Variants in OPCML observed in about 807,000 individuals in gnomAD.
The protein encoded by OPCML is opioid binding protein/cell adhesion molecule like.
In OPCML, 13 loss-of-function variants were observed where a neutral mutation model predicts 37.8. The ratio of observed to expected loss-of-function variants is 0.34; its 90% CI spans 0.22 to 0.55. The LOEUF (loss-of-function observed/expected upper bound fraction) is 0.55. OPCML is among the 20% of genes least tolerant of loss of function. OPCML has a pLI of 0.91. For missense variants in OPCML, 341 were observed against 435.6 expected (o/e 0.78, Z 1.93); for synonymous variants, 176 against 168.8 (o/e 1.04, Z -0.33).
chr11:132,674,563 G>A (rs1436900045), intron 2 of OPCML, among the ~76,000 whole-genome samples: 1 of 152,206 alleles, frequency 6.6e-6, no homozygotes, highest in Non-Finnish European at 1.5e-5. Context: ...AGGTGGGGTG[G>A]CACTTGTCTT....
At chr11:133,120,024 C>T (rs922383141) in intron 1 of OPCML, among the ~76,000 whole-genome samples, 1 of 152,094 alleles carries the variant, frequency 6.6e-6, no homozygotes, top group African/African-American at 2.4e-5. Flanking sequence ...TGCTTTGGGC[C>T]TGATCTGGAA....
At chr11:132,905,142 T>C (rs1944191108) in intron 2 of OPCML, among the ~76,000 whole-genome samples, 1 of 152,064 alleles carries the variant, frequency 6.6e-6, no homozygotes, top group Non-Finnish European at 1.5e-5. Flanking sequence ...CATTTTATAA[T>C]TAATGAGGCT....
At chr11:133,009,031 A>G in intron 1 of OPCML, 1 of 985,452 alleles carries the variant, frequency 1.0e-6, no homozygotes, top group Non-Finnish European at 1.2e-6. Context: ...TCAAGTTTTG[A>G]TTACTTAAAC....
chr11:132,862,481 C>CA (rs764944630), intron 2 of OPCML, among the ~76,000 whole-genome samples: 4,801 of 129,612 alleles, frequency 0.037, 154 homozygotes, highest in South Asian at 0.17. Flanking sequence ...GTCATCTATA[C>CA]GAAAAAAAAA....
At chr11:133,126,502 G>T (rs547962) in intron 1 of OPCML, among the ~76,000 whole-genome samples, 4 of 152,030 alleles carry the variant, frequency 2.6e-5, no homozygotes, top group African/African-American at 9.7e-5. Flanking sequence ...CACAAACAGC[G>T]CACAGAAAAG....
intron 1 of OPCML, chr11:133,024,847 T>C (rs903342703): frequency 1.0e-6 from 1 of 985,452 alleles, no homozygotes; most frequent in Admixed American, 6.1e-5. Flanking sequence ...GGAAAGGACC[T>C]GCTTTCATGT....
chr11:133,286,522 A>G (rs1364236055), intron 1 of OPCML, among the ~76,000 whole-genome samples: 1 of 150,566 alleles, frequency 6.6e-6, no homozygotes, highest in Non-Finnish European at 1.5e-5. Context: ...TGCCATATTC[A>G]CGACAACCTC....
chr11:133,214,349 T>C (rs2136347664), intron 1 of OPCML, among the ~76,000 whole-genome samples: 1 of 152,336 alleles, frequency 6.6e-6, no homozygotes, highest in African/African-American at 2.4e-5. Flanking sequence ...TATGTGTGTA[T>C]CAACACATGT....
intron 1 of OPCML, among the ~76,000 whole-genome samples, chr11:133,317,151 C>T (rs1331226247): frequency 6.6e-6 from 1 of 152,174 alleles, no homozygotes; most frequent in Non-Finnish European, 1.5e-5. Context: ...GAGCCAAGAT[C>T]ACACTGCTGC....
intron 1 of OPCML, among the ~76,000 whole-genome samples, chr11:133,492,464 G>A (rs1190645500): frequency 3.3e-5 from 5 of 151,990 alleles, no homozygotes; most frequent in East Asian, 1.9e-4. Context: ...CAACCCAAAC[G>A]TCATGAAGAT....
chr11:133,112,297 AAAAAAAAAAAAAAG>A (rs1356172737), intron 1 of OPCML, among the ~76,000 whole-genome samples: 2 of 146,240 alleles, frequency 1.4e-5, no homozygotes, highest in African/African-American at 5.1e-5. Context: ...AAAAAAAAAA[AAAAAAAAAAAAAAG>A]GGGAAAGAAA....
intron 3 of OPCML, among the ~76,000 whole-genome samples, chr11:132,567,710 T>C (rs1015743988): frequency 2.0e-5 from 3 of 152,214 alleles, no homozygotes; most frequent in African/African-American, 7.2e-5. Flanking sequence ...TGTTTTACTT[T>C]TATTTATTTT....
intron 1 of OPCML, among the ~76,000 whole-genome samples, chr11:133,168,527 T>C (rs1407941114): frequency 6.6e-6 from 1 of 151,912 alleles, no homozygotes; most frequent in Non-Finnish European, 1.5e-5. Flanking sequence ...AATTACAGAG[T>C]TGAGCTGGCA....
chr11:132,510,707 T>A (rs1219906988), intron 4 of OPCML, among the ~76,000 whole-genome samples: 1 of 152,222 alleles, frequency 6.6e-6, no homozygotes, highest in African/African-American at 2.4e-5. Context: ...CCCAGCCATG[T>A]GGAACTGTTA....
intron 2 of OPCML, among the ~76,000 whole-genome samples, chr11:132,867,561 G>C (rs1459614510): frequency 6.6e-6 from 1 of 152,162 alleles, no homozygotes; most frequent in Non-Finnish European, 1.5e-5. Context: ...TTTCTTTATG[G>C]AAGTAGCTGA....
intron 1 of OPCML, among the ~76,000 whole-genome samples, chr11:133,140,898 CGACGACGACGAAGAAGAA>C (rs1949788853): frequency 3.1e-4 from 1 of 3,272 alleles, no homozygotes; most frequent in African/African-American, 4.1e-4. Context: ...ACGACGAAGA[CGACGACGACGAAGAAGAA>C]GAAGACGACG....
chr11:132,644,492 AAG>A lies in OPCML; in HGVS notation c.379+12593_379+12594del, dbSNP rs200446560. Among the ~76,000 whole-genome samples, 1,238 of 152,256 alleles carry A rather than the reference AAG, an allele frequency of 8.1e-3. 11 individuals are homozygous for A. Among genetic ancestry groups the A allele is most frequent in the South Asian group, 0.015 (73 of 4,824 alleles). Reference sequence around the variant, plus strand: ...GAACAGAAATTAAGAAAAAATAAGAAAGAAAAAAAATTAAAAGAAAGAAGAAT... The same window carrying A: ...GAACAGAAATTAAGAAAAAATAAGAAAAAAAAAATTAAAAGAAAGAAGAAT... On this transcript the variant is annotated intron_variant, in intron 3 of 7. Coordinates refer to ENST00000524381, the MANE Select transcript of OPCML (RefSeq NM_001012393.5).
intron 1 of OPCML, among the ~76,000 whole-genome samples, chr11:133,321,098 T>C (rs947777733): frequency 2.0e-5 from 3 of 152,012 alleles, no homozygotes; most frequent in African/African-American, 7.3e-5. Context: ...TGACCAGAAC[T>C]TGGGGGAAGG....
intron 1 of OPCML, among the ~76,000 whole-genome samples, chr11:133,469,540 A>T (rs915919983): frequency 6.6e-6 from 1 of 152,224 alleles, no homozygotes; most frequent in African/African-American, 2.4e-5. Flanking sequence ...GCCTCAGCCC[A>T]CTTCAATTCA....
Sources: gnomAD v4.1 joint callset for allele counts (sites outside exome capture counted in the v4.1 genomes callset) on GRCh38, gnomAD v4.1.1 for gene constraint, MANE v1.5 for transcripts, NCBI Gene and HGNC (gene_info 2026-07-23, HGNC 2026-07-21) for gene names.